The following AGAP1 variants were observed in gnomAD, a reference collection of about 807,000 sequenced individuals.
AGAP1 encodes ArfGAP with GTPase domain, ankyrin repeat and PH domain 1, also known as arf-GAP with GTPase, ANK repeat and PH domain-containing protein 1.
In AGAP1, 29 loss-of-function variants were observed where a neutral mutation model predicts 105.3. That is an observed-to-expected ratio of 0.28 (90% confidence interval 0.21 to 0.38). The LOEUF (loss-of-function observed/expected upper bound fraction) is 0.38. Among genes scored for constraint, AGAP1 ranks in the 10% least tolerant of loss-of-function variants. The pLI is 1.00. For missense variants in AGAP1, 998 were observed against 1,165.1 expected, an observed-to-expected ratio of 0.86 and a Z score of 2.09; for synonymous variants, 509 against 485.9, an observed-to-expected ratio of 1.05 and a Z score of -0.63.
chr2:235,730,740 G>A (rs931699465), intron 3 of AGAP1, among the ~76,000 whole-genome samples: 9 of 152,136 alleles, frequency 5.9e-5, no homozygotes, highest in Non-Finnish European at 8.8e-5. Context: ...AGTTGACCAT[G>A]CAGGCTATTT....
At chr2:235,505,410 C>G (rs13017912) in intron 1 of AGAP1, among the ~76,000 whole-genome samples, 24,861 of 152,084 alleles carry the variant, frequency 0.16, 2,303 homozygotes, top group East Asian at 0.27. Context: ...GTGGATTTCT[C>G]TGGTGGCTTT....
rs1363067541 is a variant in AGAP1 at position 235,534,073 on chromosome 2, C to T, written c.163+39224C>T. Reference sequence around the variant, plus strand: ...CCAAACACCGTCGCTGTCGATGCTACAGCAGTCCTGTGGGCCGCAGAAGGA... The same window carrying T: ...CCAAACACCGTCGCTGTCGATGCTATAGCAGTCCTGTGGGCCGCAGAAGGA... On this transcript the variant is annotated intron_variant, in intron 1 of 17. Transcript: ENST00000304032. 2.6e-5 allele frequency among the ~76,000 whole-genome samples: 4 copies of T among 152,210 alleles called. No individual in the cohort carries two copies. In the East Asian group the frequency reaches 5.8e-4, roughly 22 times the overall value.
intron 16 of AGAP1, among the ~76,000 whole-genome samples, chr2:236,094,790 A>G (rs1450140606): frequency 6.6e-6 from 1 of 152,054 alleles, no homozygotes; most frequent in Non-Finnish European, 1.5e-5. Flanking sequence ...GGCACAGAAG[A>G]TGGGAAAATT....
rs923390191 is a variant in AGAP1 at position 235,701,617 on chromosome 2, A to G, written c.164-7562A>G. On this transcript the variant is annotated intron_variant, in intron 1 of 17. Transcript: ENST00000304032. The surrounding 1 kb of genome is among the most constrained non-coding windows in gnomAD (Gnocchi z 4.1). The stretch of plus-strand genomic sequence containing the variant: ...GGGTTTATGTTTTATTTCATTTATT[A>G]TAGGGATTCAAGGATTTCCAAATAA... Among the ~76,000 whole-genome samples the G allele has an allele frequency of 5.3e-5, 8 of 152,320 alleles. No individual in the cohort carries two copies. The highest frequency in any genetic ancestry group is 7.3e-5 in the Non-Finnish European group (5 of 68,028).
chr2:235,636,362 C>T (rs1439746936), intron 1 of AGAP1, among the ~76,000 whole-genome samples: 1 of 152,150 alleles, frequency 6.6e-6, no homozygotes, highest in Non-Finnish European at 1.5e-5. Flanking sequence ...AAAATGAACA[C>T]ACCCACTCAG....
intron 1 of AGAP1, among the ~76,000 whole-genome samples, chr2:235,652,472 A>G (rs1014971071): frequency 8.5e-5 from 13 of 152,110 alleles, no homozygotes; most frequent in African/African-American, 3.1e-4. Context: ...AGTCCATGTT[A>G]AGAGAGCAGC....
In AGAP1 at chr2:235,799,450, C is replaced by A; in HGVS notation, c.885C>A (p.Ile295=). The A allele has an allele frequency of 1.9e-6, 3 of 1,614,190 alleles. No homozygotes were observed. The highest frequency in any genetic ancestry group is 2.5e-6 in the Non-Finnish European group (3 of 1,180,036). ...TPSTSQKELR[I]DVPPTANTPT... is the part of the protein sequence containing the mutation. ...GCACCAGCCAGAAGGAACTTCGGAT[C>A]GATGTTCCTCCCACTGCCAACACGC... Residue 295 remains isoleucine, a synonymous_variant, in exon 8 of 18, where the codon ATC becomes ATA. Transcript: ENST00000304032. This position sits in a 1 kb window ranked among gnomAD's most constrained non-coding sequence, Gnocchi z 5.0.
intron 1 of AGAP1, chr2:235,670,526 G>T (rs1948339452): frequency 4.1e-6 from 2 of 488,958 alleles, no homozygotes; most frequent in Non-Finnish European, 7.1e-6. Context: ...CGACGTGGAG[G>T]GGGCCCGGGC....
At position 235,799,639 on chromosome 2, in the gene AGAP1, A is replaced by G. The variant is rs891408919; in HGVS notation, c.957+117A>G. The G allele has an allele frequency of 5.2e-6, 6 of 1,164,756 alleles. No individual in the cohort carries two copies. The highest frequency in any genetic ancestry group is 2.0e-4 in the Middle Eastern group (1 of 4,918). The allele number at this position is 1,164,756 out of a possible 1,614,324, so 72.2% of individuals were successfully genotyped here. On this transcript the variant is annotated intron_variant, in intron 8 of 17. Transcript: ENST00000304032. This position sits in a 1 kb window ranked among gnomAD's most constrained non-coding sequence, Gnocchi z 5.0. ...TAGAATCTCAACTATATTAAAGTGAATAACATTGATTTCTGTGGAGGACTA... is the reference window on the plus strand; with the variant it reads ...TAGAATCTCAACTATATTAAAGTGAGTAACATTGATTTCTGTGGAGGACTA...
rs1437087854 is a variant in AGAP1, at chr2:235,691,930, A to G, written c.164-17249A>G. 6.6e-6 allele frequency among the ~76,000 whole-genome samples: 1 copy of G among 152,246 alleles called. No homozygotes were observed. Among genetic ancestry groups the G allele is most frequent in the East Asian group, 1.9e-4 (1 of 5,196 alleles). On this transcript the variant is annotated intron_variant, in intron 1 of 17. Transcript: ENST00000304032. The surrounding 1 kb of genome is among the most constrained non-coding windows in gnomAD (Gnocchi z 4.4). ...GAGTTCCTAGTAGAAACAGACATGCAGCATATTGTGAAATGTTTCAGAGAA... is the reference window on the plus strand; with the variant it reads ...GAGTTCCTAGTAGAAACAGACATGCGGCATATTGTGAAATGTTTCAGAGAA...
At position 236,038,525 on chromosome 2, in the gene AGAP1, G is replaced by A. The variant is rs1196344582; in HGVS notation, c.1800+1810G>A. Among the ~76,000 whole-genome samples the A allele has an allele frequency of 6.6e-6, 1 of 152,190 alleles. No individual in the cohort carries two copies. Among genetic ancestry groups the A allele is most frequent in the African/African-American group, 2.4e-5 (1 of 41,438 alleles). ...CCTCACTAGGCGCCTGTTCTCCAGG[G>A]AATTGCTCCCTTGGGAGGAGGACGC... On this transcript the variant is annotated intron_variant, in intron 14 of 17. Transcript: ENST00000304032. This position sits in a 1 kb window ranked among gnomAD's most constrained non-coding sequence, Gnocchi z 4.5.
intron 9 of AGAP1, among the ~76,000 whole-genome samples, chr2:235,881,695 C>G (rs1413090552): frequency 6.6e-6 from 1 of 152,194 alleles, no homozygotes; most frequent in Non-Finnish European, 1.5e-5. Flanking sequence ...TGGCCGTCAG[C>G]TTCCTTAACA....
chr2:235,854,176 G>T (rs1186097118), intron 9 of AGAP1, among the ~76,000 whole-genome samples: 1 of 152,084 alleles, frequency 6.6e-6, no homozygotes, highest in Non-Finnish European at 1.5e-5. Context: ...GGGCTCGTGG[G>T]GTCACCTCCA....
Position 235,830,720 on chromosome 2 carries a change from G to C in AGAP1, c.1050+23389G>C, listed in dbSNP as rs964990319. Among the ~76,000 whole-genome samples, 3 of 152,232 alleles carry C rather than the reference G, an allele frequency of 2.0e-5. No individual in the cohort carries two copies. Among genetic ancestry groups the C allele is most frequent in the African/African-American group, 7.2e-5 (3 of 41,462 alleles). ...CCAAGCCACTAACACAGCACTCCTA[G>C]TGTTCCTCACAGCAGGTGGAAAATG... On this transcript the variant is annotated intron_variant, in intron 9 of 17. Transcript: ENST00000304032. The surrounding 1 kb of genome is among the most constrained non-coding windows in gnomAD (Gnocchi z 5.5).
At position 235,601,957 on chromosome 2, in the gene AGAP1, C is replaced by T. The variant is rs1216604839; in HGVS notation, c.163+107108C>T. On this transcript the variant is annotated intron_variant, in intron 1 of 17. Coordinates refer to ENST00000304032, the MANE Select transcript of AGAP1 (RefSeq NM_001037131.3). The surrounding 1 kb of genome is among the most constrained non-coding windows in gnomAD (Gnocchi z 4.4). ...AAAAGGTCCATTCTCAAAGGAGACT[C>T]CAGGGTGACCCCTAAAACCCAAGTC... Among the ~76,000 whole-genome samples the T allele has an allele frequency of 2.0e-5, 3 of 152,180 alleles. No individual in the cohort carries two copies. The highest frequency in any genetic ancestry group is 4.4e-5 in the Non-Finnish European group (3 of 68,034).
In AGAP1 at chr2:235,574,967, AC is replaced by A. The variant is rs1237532241; in HGVS notation, c.163+80119del. Among the ~76,000 whole-genome samples the A allele has an allele frequency of 6.6e-6, 1 of 152,246 alleles. No homozygotes were observed. The highest frequency in any genetic ancestry group is 1.9e-4 in the East Asian group (1 of 5,178). On this transcript the variant is annotated intron_variant, in intron 1 of 17. Coordinates refer to ENST00000304032, the MANE Select transcript of AGAP1 (RefSeq NM_001037131.3). This position sits in a 1 kb window ranked among gnomAD's most constrained non-coding sequence, Gnocchi z 5.0. Reference sequence around the variant, plus strand: ...GCAAAGCCCTGACTCTTCCAAACATACAAAAATCAGCGAGGCATGGAGGCAG... The same window carrying A: ...GCAAAGCCCTGACTCTTCCAAACATAAAAAATCAGCGAGGCATGGAGGCAG...
At position 235,728,976 on chromosome 2, in the gene AGAP1, G is replaced by A. The variant is rs920470678; in HGVS notation, c.310+11332G>A. Among the ~76,000 whole-genome samples, 2 of 151,582 alleles carry A rather than the reference G, an allele frequency of 1.3e-5. No homozygotes were observed. Among genetic ancestry groups the A allele is most frequent in the Admixed American group, 1.3e-4 (2 of 15,268 alleles). Reference sequence around the variant, plus strand: ...CTGGCAGGGGACCAGGCCAGCTGCTGTGTGGGTCTTCCATGTCCCAGGGAC... The same window carrying A: ...CTGGCAGGGGACCAGGCCAGCTGCTATGTGGGTCTTCCATGTCCCAGGGAC... On this transcript the variant is annotated intron_variant, in intron 3 of 17. Coordinates refer to ENST00000304032, the MANE Select transcript of AGAP1 (RefSeq NM_001037131.3). The surrounding 1 kb of genome is among the most constrained non-coding windows in gnomAD (Gnocchi z 4.3).
At chr2:236,099,176 GGT>G (rs2059276511) in intron 16 of AGAP1, among the ~76,000 whole-genome samples, 1 of 152,128 alleles carries the variant, frequency 6.6e-6, no homozygotes. Context: ...CTTGGGGCCA[GGT>G]GCGGTGGCTC....
rs1020405757 is a variant in AGAP1 at position 235,976,502 on chromosome 2, G to A, written c.1645+7879G>A. 6.6e-6 allele frequency among the ~76,000 whole-genome samples: 1 copy of A among 152,172 alleles called. No individual in the cohort carries two copies. Among genetic ancestry groups the A allele is most frequent in the Admixed American group, 6.5e-5 (1 of 15,280 alleles). On this transcript the variant is annotated intron_variant, in intron 13 of 17. Transcript: ENST00000304032. The surrounding 1 kb of genome is among the most constrained non-coding windows in gnomAD (Gnocchi z 4.5). The stretch of plus-strand genomic sequence containing the variant: ...AAGATTCCCATCGTGATGAACCGAC[G>A]CACAGAAGGATGTTTGTAGTGTGGT...
Sources: gnomAD v4.1 joint callset for allele counts (sites outside exome capture counted in the v4.1 genomes callset) on GRCh38, gnomAD v4.1.1 for gene constraint, Gnocchi (gnomAD v3.1) non-coding constraint, MANE v1.5 for transcripts, NCBI Gene and HGNC (gene_info 2026-07-23, HGNC 2026-07-21) for gene names.